NFIA: variants seen among roughly 807,000 people sequenced by gnomAD.
NFIA encodes nuclear factor I A.
In NFIA, 8 loss-of-function variants were observed where a neutral mutation model predicts 62.8. The ratio of observed to expected loss-of-function variants is 0.13; its 90% CI spans 0.07 to 0.23. NFIA has a LOEUF of 0.23. Among genes scored for constraint, NFIA ranks in the 10% least tolerant of loss-of-function variants. The pLI, the probability that NFIA is intolerant of heterozygous loss-of-function variation, is 1.00. For missense variants in NFIA, 410 were observed against 642.1 expected (o/e 0.64, Z 3.91); for synonymous variants, 235 against 238.1 (o/e 0.99, Z 0.12).
intron 3 of NFIA, among the ~76,000 whole-genome samples, chr1:61,300,966 A>T (rs1374309905): frequency 6.6e-6 from 1 of 152,180 alleles, no homozygotes; most frequent in Admixed American, 6.6e-5. Flanking sequence ...ATATGGTTCT[A>T]CATAGTTAAT....
chr1:61,277,379 T>G, intron 2 of NFIA, 141 bp from the exon 3 acceptor site: 1 of 749,538 alleles, frequency 1.3e-6, no homozygotes, highest in Non-Finnish European at 2.2e-6. Context: ...TTCCATCTTT[T>G]CTTTTTTTCA....
intron 2 of NFIA, among the ~76,000 whole-genome samples, chr1:61,243,669 GA>G (rs1420860505): frequency 6.6e-6 from 1 of 152,124 alleles, no homozygotes; most frequent in African/African-American, 2.4e-5. Context: ...AACAAGTTAT[GA>G]GTATGTAAGC....
chr1:61,171,294 A>G (rs1447078501), intron 2 of NFIA, among the ~76,000 whole-genome samples: 5 of 152,262 alleles, frequency 3.3e-5, no homozygotes, highest in African/African-American at 7.2e-5. Context: ...TCTACTTGAA[A>G]TAAAAAGCCG....
At chr1:61,437,519 T>C (rs1011941991) in intron 10 of NFIA, among the ~76,000 whole-genome samples, 1 of 152,170 alleles carries the variant, frequency 6.6e-6, no homozygotes, top group African/African-American at 2.4e-5. Flanking sequence ...CCAGAATTTA[T>C]TGAGCACCTA....
At chr1:61,410,642 C>G (rs553627441) in intron 9 of NFIA, among the ~76,000 whole-genome samples, 104 of 152,278 alleles carry the variant, frequency 6.8e-4, no homozygotes, top group African/African-American at 2.5e-3. Context: ...GTGGCTCACA[C>G]CTGTAGACCC....
At chr1:61,126,879 G>A (rs530701491) in intron 2 of NFIA, among the ~76,000 whole-genome samples, 1 of 142,708 alleles carries the variant, frequency 7.0e-6, no homozygotes, top group South Asian at 2.3e-4. Flanking sequence ...CCACCTCCCA[G>A]GTTCAAGTGA....
intron 3 of NFIA, among the ~76,000 whole-genome samples, chr1:61,283,051 C>A (rs954442013): frequency 2.0e-5 from 3 of 152,086 alleles, no homozygotes; most frequent in Non-Finnish European, 4.4e-5. Context: ...TTGAAAATTA[C>A]CCTGTGGAGT....
chr1:61,091,927 T>A (rs2100420586), intron 2 of NFIA, among the ~76,000 whole-genome samples: 1 of 152,154 alleles, frequency 6.6e-6, no homozygotes, highest in South Asian at 2.1e-4. Context: ...GTCAAATTAG[T>A]TAGATTTTGT....
chr1:61,462,262 T>G lies in NFIA; in HGVS notation c.*6942T>G, dbSNP rs1173085715. 1 of 151,996 alleles carries G rather than the reference T, an allele frequency of 6.6e-6. No individual in the cohort carries two copies. The highest frequency in any genetic ancestry group is 1.5e-5 in the Non-Finnish European group (1 of 67,986). The allele number at this position is 151,996 out of a possible 1,614,324, so 9.4% of individuals were successfully genotyped here. On this transcript the variant is annotated 3_prime_UTR_variant, in exon 11 of 11. Coordinates refer to ENST00000403491, the MANE Select transcript of NFIA (RefSeq NM_001134673.4). ...GCTTTATCAGGTTCTAGGAGGTCCT[T>G]TAGGAAGACTCTCAAAGGCAAATCC...
chr1:61,329,667 G>A (rs533360633), intron 3 of NFIA, among the ~76,000 whole-genome samples: 13 of 152,096 alleles, frequency 8.5e-5, no homozygotes, highest in Non-Finnish European at 1.8e-4. Context: ...GTGCCCTGCC[G>A]TAATTTTTTT....
chr1:61,448,636 G>T (rs1015360934), intron 10 of NFIA, among the ~76,000 whole-genome samples: 1 of 152,222 alleles, frequency 6.6e-6, no homozygotes, highest in Non-Finnish European at 1.5e-5. Context: ...TATCTAACTA[G>T]TTCATAATGG....
chr1:61,352,753 A>G, intron 5 of NFIA, among the ~76,000 whole-genome samples, 186 bp downstream of exon 5: 1 of 83,940 alleles, frequency 1.2e-5, no homozygotes, highest in African/African-American at 4.7e-5. Flanking sequence ...TGGCAAGATT[A>G]AATACACACA....
chr1:61,257,335 T>TG (rs1656467661), intron 2 of NFIA, among the ~76,000 whole-genome samples: 1 of 119,960 alleles, frequency 8.3e-6, no homozygotes, highest in South Asian at 3.0e-4. Context: ...CGTTGTTTTT[T>TG]TTTTTTTTTT....
At chr1:61,091,009 A>G (rs902036065) in intron 2 of NFIA, among the ~76,000 whole-genome samples, 2 of 152,250 alleles carry the variant, frequency 1.3e-5, no homozygotes, top group Admixed American at 1.3e-4. Flanking sequence ...ATTTGTAAAC[A>G]CTAAACAATG....
intron 6 of NFIA, among the ~76,000 whole-genome samples, chr1:61,365,044 A>G (rs1663512317): frequency 6.6e-6 from 1 of 152,168 alleles, no homozygotes; most frequent in African/African-American, 2.4e-5. Flanking sequence ...TTAATTAGCC[A>G]TGCATAATGG....
intron 2 of NFIA, among the ~76,000 whole-genome samples, chr1:61,126,714 ATG>A (rs1259704052): frequency 6.6e-6 from 1 of 150,960 alleles, no homozygotes; most frequent in Admixed American, 6.6e-5. Context: ...CTGAAGTTGC[ATG>A]CAGAATTTAG....
At chr1:61,349,847 C>T (rs1170287315) in intron 4 of NFIA, among the ~76,000 whole-genome samples, 2 of 152,164 alleles carry the variant, frequency 1.3e-5, no homozygotes, top group African/African-American at 4.8e-5. Flanking sequence ...CCCACCTCAG[C>T]TTCCCAAAGT....
chr1:61,217,879 C>T (rs1414763426), intron 2 of NFIA, among the ~76,000 whole-genome samples: 1 of 152,190 alleles, frequency 6.6e-6, no homozygotes, highest in East Asian at 1.9e-4. Flanking sequence ...TATCCACTAA[C>T]CTCAATTTCT....
upstream of NFIA, chr1:61,077,612 C>G: frequency 7.1e-7 from 1 of 1,416,704 alleles, no homozygotes. Context: ...CTCACGTACT[C>G]TTTTTACATT....
Sources: allele counts gnomAD v4.1 joint callset (sites outside exome capture counted in the v4.1 genomes callset), GRCh38; gene constraint gnomAD v4.1.1; transcripts MANE v1.5; gene names NCBI Gene and HGNC (gene_info 2026-07-23, HGNC 2026-07-21).